The following RIMBP2 variants were observed in gnomAD, a reference collection of about 807,000 sequenced individuals.
RIMBP2 encodes RIMS binding protein 2, also known as RIMS-binding protein 2.
RIMBP2 carries 48 observed loss-of-function variants against 118.6 expected under a neutral mutation model. The observed-to-expected ratio is 0.40, with a 90% CI of 0.32 to 0.51. The LOEUF is 0.51. Among genes scored for constraint, RIMBP2 ranks in the 20% least tolerant of loss-of-function variants. RIMBP2 has a pLI of 0.41. For missense variants in RIMBP2, 1,551 were observed against 1,768.3 expected (o/e 0.88, Z 2.20); for synonymous variants, 762 against 742.9 (o/e 1.03, Z -0.42).
At chr12:130,451,718 C>T (rs1310164114) in intron 7 of RIMBP2, among the ~76,000 whole-genome samples, 1 of 152,264 alleles carries the variant, frequency 6.6e-6, no homozygotes, top group African/African-American at 2.4e-5. Context: ...GGAACGCTCA[C>T]GTGAGGACGG....
At chr12:130,484,460 C>T (rs2082313170) in intron 4 of RIMBP2, among the ~76,000 whole-genome samples, 1 of 152,202 alleles carries the variant, frequency 6.6e-6, no homozygotes, top group Admixed American at 6.5e-5. Context: ...ACCATGTTCT[C>T]CACCTGCCTT....
rs1191162662 is a variant in RIMBP2, at chr12:130,576,704, C to A, written c.-217+51618G>T. Among the ~76,000 whole-genome samples the A allele has an allele frequency of 1.3e-5, 2 of 152,216 alleles. No individual in the cohort carries two copies. Among genetic ancestry groups the A allele is most frequent in the African/African-American group, 4.8e-5 (2 of 41,450 alleles). On this transcript the variant is annotated intron_variant, in intron 2 of 22. Coordinates refer to ENST00000690449, the MANE Select transcript of RIMBP2 (RefSeq NM_001393629.1). The surrounding 1 kb of genome is among the most constrained non-coding windows in gnomAD (Gnocchi z 4.2). ...GGGAGTCCTTAGCACAAACTGCCAG[C>A]AGCAGCGAGGAGGAGCCCCGCCGAG...
intron 2 of RIMBP2, among the ~76,000 whole-genome samples, chr12:130,575,951 C>T (rs1299285134): frequency 6.6e-6 from 1 of 152,320 alleles, no homozygotes; most frequent in South Asian, 2.1e-4. Context: ...TAACAGGACA[C>T]CCCCGGATAT....
chr12:130,576,130 G>A lies in RIMBP2; in HGVS notation c.-217+52192C>T, dbSNP rs773563062. On this transcript the variant is annotated intron_variant, in intron 2 of 22. Transcript: ENST00000690449. This position sits in a 1 kb window ranked among gnomAD's most constrained non-coding sequence, Gnocchi z 4.2. ...CGTTAGGCAAAGGGGCTGCGGACAG[G>A]TGAGGGGGAGGAGGGGGCTGCAGAT... Among the ~76,000 whole-genome samples, 1 of 152,066 alleles carries A rather than the reference G, an allele frequency of 6.6e-6. No homozygotes were observed. The highest frequency in any genetic ancestry group is 1.5e-5 in the Non-Finnish European group (1 of 68,014).
intron 3 of RIMBP2, among the ~76,000 whole-genome samples, chr12:130,513,486 G>A (rs560292607): frequency 6.6e-6 from 1 of 150,706 alleles, no homozygotes; most frequent in Admixed American, 6.7e-5. Context: ...CCTCAGACCT[G>A]CTACAGGAAC....
At chr12:130,563,511 T>G (rs1279016459) in intron 2 of RIMBP2, among the ~76,000 whole-genome samples, 1 of 152,252 alleles carries the variant, frequency 6.6e-6, no homozygotes, top group African/African-American at 2.4e-5. Context: ...CAGTCAGACT[T>G]CATAGGGAAT....
chr12:130,571,109 C>T (rs1342449332), intron 2 of RIMBP2, among the ~76,000 whole-genome samples: 4 of 149,196 alleles, frequency 2.7e-5, no homozygotes, highest in Non-Finnish European at 5.9e-5. Flanking sequence ...TAATCCATGG[C>T]GGGAAGAGGG....
At chr12:130,668,927 C>T (rs1213430488) in intron 1 of RIMBP2, among the ~76,000 whole-genome samples, 4 of 152,218 alleles carry the variant, frequency 2.6e-5, no homozygotes, top group South Asian at 2.1e-4. Flanking sequence ...CCCTGTACAG[C>T]GTTAGCAGGG....
intron 4 of RIMBP2, among the ~76,000 whole-genome samples, chr12:130,481,250 G>GC (rs1214227355): frequency 6.6e-6 from 1 of 151,762 alleles, no homozygotes; most frequent in Non-Finnish European, 1.5e-5. Context: ...TCCAAAGGTA[G>GC]CCCTACTGCT....
intron 2 of RIMBP2, among the ~76,000 whole-genome samples, chr12:130,593,517 C>T (rs1036363566): frequency 6.6e-6 from 1 of 152,220 alleles, no homozygotes; most frequent in Non-Finnish European, 1.5e-5. Context: ...AAGTTCAGCA[C>T]TGAAGAAGGT....
chr12:130,593,326 G>A (rs1194411168), intron 2 of RIMBP2, among the ~76,000 whole-genome samples: 1 of 152,228 alleles, frequency 6.6e-6, no homozygotes, highest in East Asian at 1.9e-4. Context: ...CCAGGAGGAT[G>A]GGGCTGGGGG....
At position 130,617,096 on chromosome 12, in the gene RIMBP2, C is replaced by T. The variant is rs1041178282; in HGVS notation, c.-217+11226G>A. ...GACTGCCAGCCTTACATCTCATGTT[C>T]TGAGCTTCCTGTGGGCCAGGCCTGG... On this transcript the variant is annotated intron_variant, in intron 2 of 22. Transcript: ENST00000690449. This position sits in a 1 kb window ranked among gnomAD's most constrained non-coding sequence, Gnocchi z 4.6. Among the ~76,000 whole-genome samples, 2 of 152,166 alleles carry T rather than the reference C, an allele frequency of 1.3e-5. No homozygotes were observed. The highest frequency in any genetic ancestry group is 2.9e-5 in the Non-Finnish European group (2 of 68,020).
chr12:130,518,932 T>C (rs915918671), intron 2 of RIMBP2, among the ~76,000 whole-genome samples: 3 of 152,166 alleles, frequency 2.0e-5, no homozygotes, highest in Non-Finnish European at 4.4e-5. Flanking sequence ...TGAAAAGGAC[T>C]TCAATAAGTT....
intron 2 of RIMBP2, among the ~76,000 whole-genome samples, chr12:130,624,465 A>G (rs997776286): frequency 6.6e-5 from 10 of 152,178 alleles, no homozygotes; most frequent in Admixed American, 6.5e-5. Context: ...ATTTTACACC[A>G]AGACGTGTGT....
At chr12:130,648,403 TA>T (rs534522187) in intron 1 of RIMBP2, among the ~76,000 whole-genome samples, 1 of 145,070 alleles carries the variant, frequency 6.9e-6, no homozygotes. Flanking sequence ...GTATTCATTG[TA>T]AAAAAAATTG....
intron 7 of RIMBP2, among the ~76,000 whole-genome samples, chr12:130,455,211 C>T (rs1028430087): frequency 1.8e-4 from 28 of 152,340 alleles, no homozygotes; most frequent in Admixed American, 1.1e-3. Flanking sequence ...CTGGGAAGAA[C>T]GGAAACCGTC....
rs563549763 is a variant in RIMBP2, at chr12:130,645,938, C to G, written c.-351-17482G>C. ...TTTCAGTTACTAAGTCACTGAATAGCTTTGTTTGCACTCCTATGCTTTTAA... is the reference window on the plus strand; with the variant it reads ...TTTCAGTTACTAAGTCACTGAATAGGTTTGTTTGCACTCCTATGCTTTTAA... On this transcript the variant is annotated intron_variant, in intron 1 of 22. Coordinates refer to ENST00000690449, the MANE Select transcript of RIMBP2 (RefSeq NM_001393629.1). Among the ~76,000 whole-genome samples the G allele has an allele frequency of 4.9e-4, 74 of 152,240 alleles. 1 individual carries two copies. Among genetic ancestry groups the G allele is most frequent in the African/African-American group, 1.7e-3 (72 of 41,526 alleles).
rs1221475488 is a variant in RIMBP2, at chr12:130,617,132, C to T, written c.-217+11190G>A. 6.6e-6 allele frequency among the ~76,000 whole-genome samples: 1 copy of T among 152,144 alleles called. No individual in the cohort carries two copies. The highest frequency in any genetic ancestry group is 2.4e-5 in the African/African-American group (1 of 41,432). On this transcript the variant is annotated intron_variant, in intron 2 of 22. Coordinates refer to ENST00000690449, the MANE Select transcript of RIMBP2 (RefSeq NM_001393629.1). This position sits in a 1 kb window ranked among gnomAD's most constrained non-coding sequence, Gnocchi z 4.6. Reference sequence around the variant, plus strand: ...GTGGGCCAGGCCTGGTGCTGAGACCCTACCAGTCTCTTCTGTGTTTCATTG... The same window carrying T: ...GTGGGCCAGGCCTGGTGCTGAGACCTTACCAGTCTCTTCTGTGTTTCATTG...
intron 1 of RIMBP2, among the ~76,000 whole-genome samples, chr12:130,699,904 TAA>T (rs33963621): frequency 0.012 from 1,028 of 85,614 alleles, 18 homozygotes; most frequent in African/African-American, 0.037. Flanking sequence ...GACTCTGTCT[TAA>T]AAAAAAAAAA....
Sources: allele counts gnomAD v4.1 joint callset (sites outside exome capture counted in the v4.1 genomes callset), GRCh38; gene constraint gnomAD v4.1.1; non-coding constraint Gnocchi (gnomAD v3.1); transcripts MANE v1.5; gene names NCBI Gene and HGNC (gene_info 2026-07-23, HGNC 2026-07-21).